The following GRM7 variants were observed in gnomAD, a reference collection of about 807,000 sequenced individuals.
GRM7 encodes the protein glutamate metabotropic receptor 7.
GRM7 carries 35 observed loss-of-function variants against 84.5 expected under a neutral mutation model. That is an observed-to-expected ratio of 0.41 (90% CI 0.32 to 0.55). GRM7 has a LOEUF of 0.55. Among genes scored for constraint, GRM7 ranks in the 20% least tolerant of loss-of-function variants. The probability of loss-of-function intolerance (pLI) is 0.19; values close to 1 mark genes in which losing one functional copy is unlikely to be tolerated. For missense variants in GRM7, 1,003 were observed against 1,194.6 expected (o/e 0.84, Z 2.36); for synonymous variants, 487 against 455.1 (o/e 1.07, Z -0.89).
At chr3:6,955,384 A>G (rs1215076016) in intron 1 of GRM7, among the ~76,000 whole-genome samples, 2 of 152,060 alleles carry the variant, frequency 1.3e-5, no homozygotes, top group Non-Finnish European at 2.9e-5. Flanking sequence ...TAAAAATACA[A>G]AAATTAGCTG....
chr3:7,171,740 G>C (rs1694990275), intron 2 of GRM7, among the ~76,000 whole-genome samples: 1 of 152,150 alleles, frequency 6.6e-6, no homozygotes, highest in African/African-American at 2.4e-5. Context: ...ATGAGACATA[G>C]AGGCGTGACT....
At chr3:7,445,135 C>T (rs936407435) in intron 5 of GRM7, among the ~76,000 whole-genome samples, 1 of 152,256 alleles carries the variant, frequency 6.6e-6, no homozygotes, top group Non-Finnish European at 1.5e-5. Context: ...CATCCATTTC[C>T]TCCTTGCAGG....
chr3:6,878,114 G>A (rs1008230233), intron 1 of GRM7, among the ~76,000 whole-genome samples: 4 of 152,004 alleles, frequency 2.6e-5, no homozygotes, highest in African/African-American at 9.7e-5. Context: ...CTTCAGAAGT[G>A]TGAAATTACA....
At chr3:7,593,659 G>T (rs1383597893) in intron 8 of GRM7, among the ~76,000 whole-genome samples, 1 of 152,120 alleles carries the variant, frequency 6.6e-6, no homozygotes, top group Admixed American at 6.6e-5. Flanking sequence ...GAGTGTGAGT[G>T]GCGTGAGAAA....
chr3:7,032,576 C>A (rs17046649), intron 1 of GRM7, among the ~76,000 whole-genome samples: 10,313 of 152,076 alleles, frequency 0.068, 1,152 homozygotes, highest in African/African-American at 0.23. Flanking sequence ...TTTTTTGAGT[C>A]AAATTTCCCA....
At chr3:7,429,474 C>G (rs1045950833) in intron 5 of GRM7, among the ~76,000 whole-genome samples, 4 of 152,100 alleles carry the variant, frequency 2.6e-5, no homozygotes, top group Admixed American at 2.6e-4. Flanking sequence ...GGAAAACTTG[C>G]AAGGTTGAAT....
rs879687003 is a variant in GRM7 at position 7,644,213 on chromosome 3, C to CGTATATATAT, written c.2452-35836_2452-35835insGTATATATAT. ...CTGTACGTATATATATATGTCTGTA[C>CGTATATATAT]ATATATATGTGTGTGTCTGTACATA... On this transcript the variant is annotated intron_variant, in intron 8 of 9. Transcript: ENST00000357716. Among the ~76,000 whole-genome samples the CGTATATATAT allele has an allele frequency of 9.0e-3, 1,213 of 134,702 alleles. 26 individuals carry two copies. The highest frequency in any genetic ancestry group is 0.035 in the African/African-American group (1,168 of 33,816). The allele number at this position is 134,702 out of a possible 152,430, so 88.4% of individuals were successfully genotyped here.
intron 8 of GRM7, among the ~76,000 whole-genome samples, chr3:7,588,717 C>T (rs1695635716): frequency 6.6e-6 from 1 of 152,158 alleles, no homozygotes; most frequent in Admixed American, 6.5e-5. Context: ...CTCTATATAC[C>T]TGAAGGAGGA....
chr3:7,337,766 C>T (rs994830939), intron 4 of GRM7, among the ~76,000 whole-genome samples: 26 of 151,820 alleles, frequency 1.7e-4, no homozygotes, highest in African/African-American at 5.8e-4. Flanking sequence ...AAGATATTGA[C>T]ATGGATTTGG....
intron 9 of GRM7, among the ~76,000 whole-genome samples, chr3:7,729,612 G>T (rs1177421250): frequency 2.0e-5 from 3 of 152,194 alleles, no homozygotes; most frequent in Non-Finnish European, 2.9e-5. Flanking sequence ...GCTGTATTTT[G>T]CTCTAGAAGC....
rs115321029 is a variant in GRM7, at chr3:7,516,808, G to A, written c.1515+55086G>A. 3.9e-3 allele frequency among the ~76,000 whole-genome samples: 600 copies of A among 152,288 alleles called. 1 individual carries two copies. The highest frequency in any genetic ancestry group is 0.014 in the African/African-American group (563 of 41,570). ...TGACTCTGCTTCTGCTGATGACCAA[G>A]CATTTTAGCATTTTTTCATTTAAGT... is the stretch of plus-strand genomic sequence containing the variant. On this transcript the variant is annotated intron_variant, in intron 7 of 9. Coordinates refer to ENST00000357716, the MANE Select transcript of GRM7 (RefSeq NM_000844.4).
chr3:7,548,257 G>T (rs1483746333), intron 7 of GRM7, among the ~76,000 whole-genome samples: 1 of 152,152 alleles, frequency 6.6e-6, no homozygotes, highest in African/African-American at 2.4e-5. Context: ...AGAGCTGGTT[G>T]TTAAGAAAAA....
At chr3:7,136,505 A>G (rs535465101) in intron 1 of GRM7, among the ~76,000 whole-genome samples, 13 of 150,006 alleles carry the variant, frequency 8.7e-5, no homozygotes, top group African/African-American at 3.0e-4. Flanking sequence ...CTTCCATCCA[A>G]ATGATAGCTT....
At chr3:7,357,679 T>C (rs182884996) in intron 4 of GRM7, among the ~76,000 whole-genome samples, 2 of 152,272 alleles carry the variant, frequency 1.3e-5, no homozygotes, top group Admixed American at 1.3e-4. Flanking sequence ...AGCCAGGGCA[T>C]GCCCCTTGCA....
At chr3:7,161,862 A>G (rs79599548) in intron 2 of GRM7, among the ~76,000 whole-genome samples, 19 of 152,188 alleles carry the variant, frequency 1.2e-4, no homozygotes, top group African/African-American at 4.1e-4. Context: ...CCCAATAAAA[A>G]CGATGTCCTT....
intron 4 of GRM7, among the ~76,000 whole-genome samples, chr3:7,356,700 A>G (rs976432930): frequency 6.6e-6 from 1 of 151,988 alleles, no homozygotes; most frequent in Admixed American, 6.6e-5. Context: ...AGAGTCTTTG[A>G]TGTTGTTCTT....
At chr3:6,940,538 AC>A (rs1697855126) in intron 1 of GRM7, among the ~76,000 whole-genome samples, 1 of 152,176 alleles carries the variant, frequency 6.6e-6, no homozygotes, top group East Asian at 1.9e-4. Context: ...TCAATAAGAA[AC>A]TTTTTATCAT....
chr3:7,461,461 T>C, intron 6 of GRM7, 122 bp from the exon 7 acceptor site: 1 of 737,226 alleles, frequency 1.4e-6, no homozygotes, highest in Non-Finnish European at 2.3e-6. Context: ...GGGGACCTAT[T>C]AAAGGGGATA....
intron 9 of GRM7, among the ~76,000 whole-genome samples, chr3:7,733,626 G>A (rs1174100258): frequency 6.6e-6 from 1 of 152,144 alleles, no homozygotes; most frequent in Non-Finnish European, 1.5e-5. Flanking sequence ...CAGCTCAGAA[G>A]GTCTCAGCCT....
Sources: allele counts gnomAD v4.1 joint callset (sites outside exome capture counted in the v4.1 genomes callset), GRCh38; gene constraint gnomAD v4.1.1; transcripts MANE v1.5; gene names NCBI Gene and HGNC (gene_info 2026-07-23, HGNC 2026-07-21).